Variants in HECW2 observed in about 807,000 individuals in gnomAD.
The protein encoded by HECW2 is HECT, C2 and WW domain containing E3 ubiquitin protein ligase 2, also known as E3 ubiquitin-protein ligase HECW2.
HECW2 carries 61 observed loss-of-function variants against 175.2 expected under a neutral mutation model. The observed-to-expected ratio is 0.35, with a 90% confidence interval of 0.28 to 0.43. HECW2 has a LOEUF of 0.43. Among genes scored for constraint, HECW2 ranks in the 20% least tolerant of loss-of-function variants. HECW2 has a pLI of 1.00. For missense variants in HECW2, 1,524 were observed against 2,000.5 expected, an observed-to-expected ratio of 0.76 and a Z score of 4.54; for synonymous variants, 671 against 731.0, an observed-to-expected ratio of 0.92 and a Z score of 1.32.
intron 1 of HECW2, among the ~76,000 whole-genome samples, chr2:196,565,731 A>G (rs150389306): frequency 2.1e-3 from 319 of 152,346 alleles, no homozygotes; most frequent in African/African-American, 7.2e-3. Context: ...ACCAAAACCC[A>G]AAATAAAGTT....
At chr2:196,566,222 A>G (rs1376364048) in intron 1 of HECW2, among the ~76,000 whole-genome samples, 1 of 151,830 alleles carries the variant, frequency 6.6e-6, no homozygotes, top group African/African-American at 2.4e-5. Flanking sequence ...CATTAAAACC[A>G]TTCTAAGAAA....
intron 1 of HECW2, among the ~76,000 whole-genome samples, chr2:196,472,629 C>CT (rs1176182538): frequency 9.6e-5 from 14 of 146,360 alleles, no homozygotes; most frequent in Admixed American, 2.0e-4. Context: ...TTTTCTTTTT[C>CT]TTTTTTTTTG....
chr2:196,371,201 G>C (rs902925210), intron 2 of HECW2, among the ~76,000 whole-genome samples: 2 of 152,134 alleles, frequency 1.3e-5, no homozygotes, highest in African/African-American at 2.4e-5. Context: ...CAATGGTGTA[G>C]AGTCTTAAAA....
chr2:196,512,900 C>G (rs1688003914), intron 1 of HECW2, among the ~76,000 whole-genome samples: 1 of 152,020 alleles, frequency 6.6e-6, no homozygotes, highest in African/African-American at 2.4e-5. Context: ...CCATGTTGGC[C>G]AGGCTGGTCT....
chr2:196,381,058 T>A (rs1049181724), intron 2 of HECW2, among the ~76,000 whole-genome samples: 1 of 152,186 alleles, frequency 6.6e-6, no homozygotes, highest in Non-Finnish European at 1.5e-5. Flanking sequence ...CCTTGAAGAT[T>A]AGATTGGGGT....
intron 13 of HECW2, among the ~76,000 whole-genome samples, chr2:196,294,497 T>C (rs1199644355): frequency 6.6e-6 from 1 of 152,218 alleles, no homozygotes; most frequent in Non-Finnish European, 1.5e-5. Flanking sequence ...GGTTCTGTTA[T>C]CTATTTTAGT....
At position 196,255,147 on chromosome 2, in the gene HECW2, ATTTTTTTT is replaced by A. The variant is rs768416431; in HGVS notation, c.3420-1126_3420-1119del. The stretch of plus-strand genomic sequence containing the variant: ...GTCACCACGTTCAGCTAATTTTTCT[ATTTTTTTT>A]TTTTTTTTTTTTTTTAGTAGAGATG... On this transcript the variant is annotated intron_variant, in intron 18 of 28. Transcript: ENST00000644978. 2.2e-4 allele frequency among the ~76,000 whole-genome samples: 21 copies of A among 95,424 alleles called. No homozygotes were observed. The Admixed American group carries it at 2.7e-3, about 12-fold the overall frequency. 62.6% of individuals were successfully genotyped at this position (95,424 alleles called of 152,430 possible).
intron 1 of HECW2, among the ~76,000 whole-genome samples, chr2:196,491,503 C>T (rs10209225): frequency 0.021 from 1,319 of 63,094 alleles, 12 homozygotes; most frequent in African/African-American, 0.083. Context: ...TATATATATA[C>T]ACACACACAC....
At chr2:196,307,090 A>G (rs1691293976) in intron 12 of HECW2, 40 bp downstream of exon 12, 3 of 1,396,890 alleles carry the variant, frequency 2.1e-6, no homozygotes, top group Non-Finnish European at 2.0e-6. Context: ...TTCTTTTTCC[A>G]CTTTTATGAA....
At chr2:196,446,310 G>A (rs966650469) in intron 1 of HECW2, among the ~76,000 whole-genome samples, 1 of 152,102 alleles carries the variant, frequency 6.6e-6, no homozygotes, top group African/African-American at 2.4e-5. Flanking sequence ...GACCTTCCCT[G>A]ACCACCCATG....
At chr2:196,209,917 C>A (rs1687211643) in intron 28 of HECW2, among the ~76,000 whole-genome samples, 1 of 152,140 alleles carries the variant, frequency 6.6e-6, no homozygotes, top group Non-Finnish European at 1.5e-5. Context: ...GCGCCCACCA[C>A]CACGCCCGGC....
At chr2:196,349,936 A>G (rs1334699017) in intron 2 of HECW2, among the ~76,000 whole-genome samples, 2 of 152,174 alleles carry the variant, frequency 1.3e-5, no homozygotes, top group African/African-American at 4.8e-5. Flanking sequence ...ATATAAGCAG[A>G]CTTACCAAAA....
Position 196,319,820 on chromosome 2 carries a change from A to C in HECW2, c.1070T>G (p.Met357Arg). The C allele has an allele frequency of 6.2e-7, 1 of 1,614,234 alleles. No homozygotes were observed. The highest frequency in any genetic ancestry group is 1.3e-5 in the African/African-American group (1 of 75,066). Residue 357 changes from methionine (M) to arginine (R), a missense_variant, in exon 9 of 29, where the codon ATG (methionine) becomes AGG (arginine). Transcript: ENST00000644978. ...DLGSPSDDED[M>R]PGSHHDSQVC... ...CTGGCTGTCGTGATGGCTCCCTGGC[A>C]TGTCCTCGTCATCGGAAGGGCTACC...
chr2:196,419,505 T>C (rs1695351257), intron 2 of HECW2, among the ~76,000 whole-genome samples: 1 of 152,224 alleles, frequency 6.6e-6, no homozygotes, highest in Non-Finnish European at 1.5e-5. Flanking sequence ...TTCTATACCC[T>C]TCCCATCTCT....
chr2:196,502,999 C>A (rs1258019971), intron 1 of HECW2, among the ~76,000 whole-genome samples: 2 of 152,198 alleles, frequency 1.3e-5, no homozygotes, highest in Non-Finnish European at 2.9e-5. Context: ...ATTGGGAATT[C>A]AGAATGCAGG....
rs762305340 is a variant in HECW2 at position 196,278,595 on chromosome 2, C to T, written c.3068G>A (p.Ser1023Asn). The T allele has an allele frequency of 1.9e-6, 3 of 1,614,122 alleles. No individual in the cohort carries two copies. The East Asian group carries it at 6.7e-5, about 36-fold the overall frequency. Residue 1023 changes from serine to asparagine, a missense_variant, in exon 15 of 29, where the codon AGT becomes AAT. By Grantham distance (46) the Ser-to-Asn change is conservative. Transcript: ENST00000644978. ...FIDPRLPLQS[S>N]RPTSALVHRQ... ...ATGAACCAGCGCACTTGTGGGTCTA[C>T]TGCTCTGAAGTGGGAGCCGGGGATC...
intron 1 of HECW2, among the ~76,000 whole-genome samples, chr2:196,457,124 A>C (rs1201490783): frequency 6.6e-6 from 1 of 152,202 alleles, no homozygotes; most frequent in Non-Finnish European, 1.5e-5. Context: ...CAAGATATGA[A>C]ATTCTATATG....
At chr2:196,410,352 T>C (rs1695077013) in intron 2 of HECW2, among the ~76,000 whole-genome samples, 1 of 152,192 alleles carries the variant, frequency 6.6e-6, no homozygotes, top group African/African-American at 2.4e-5. Context: ...TATTTGTAAG[T>C]GTGTTGGAGC....
At chr2:196,522,081 T>C (rs896721748) in intron 1 of HECW2, among the ~76,000 whole-genome samples, 5 of 152,246 alleles carry the variant, frequency 3.3e-5, no homozygotes, top group Non-Finnish European at 7.3e-5. Context: ...ATGGTTGAAC[T>C]AGTTTACAAT....
Sources: allele counts gnomAD v4.1 joint callset (sites outside exome capture counted in the v4.1 genomes callset), GRCh38; gene constraint gnomAD v4.1.1; transcripts MANE v1.5; gene names NCBI Gene and HGNC (gene_info 2026-07-23, HGNC 2026-07-21).